SLC16A5: variants seen among roughly 807,000 people sequenced by gnomAD.
SLC16A5 encodes solute carrier family 16 member 5.
Under a neutral mutation model 33.2 loss-of-function variants are expected in SLC16A5, and 29 were observed. The observed-to-expected ratio is 0.87, with a 90% confidence interval of 0.65 to 1.19. SLC16A5 has a LOEUF of 1.19. SLC16A5 is among the 50% of genes most tolerant of loss of function. SLC16A5 has a pLI of 0.00. For missense variants in SLC16A5, 606 were observed against 678.2 expected, an observed-to-expected ratio of 0.89 and a Z score of 1.18; for synonymous variants, 248 against 284.1, an observed-to-expected ratio of 0.87 and a Z score of 1.28.
chr17:75,100,893 G>A, intron 5 of SLC16A5, 77 bp downstream of exon 5: 3 of 1,339,502 alleles, frequency 2.2e-6, no homozygotes, highest in Admixed American at 4.9e-5. Flanking sequence ...GCCCAGTCCA[G>A]CATCTCCAGA....
intron 2 of SLC16A5, among the ~76,000 whole-genome samples, chr17:75,091,795 C>T (rs937613529): frequency 5.9e-5 from 9 of 152,186 alleles, no homozygotes; most frequent in Admixed American, 5.2e-4. Flanking sequence ...GCTGCTCCCT[C>T]GCAGTGCCTG....
At chr17:75,109,924 C>G (rs553233536), downstream of SLC16A5, 2 of 230,434 alleles carry the variant, frequency 8.7e-6, no homozygotes, top group South Asian at 6.8e-5. The surrounding 1 kb of genome is among the most constrained non-coding windows in gnomAD (Gnocchi z 5.0). Flanking sequence ...GGCGACGGCC[C>G]CGCCCCTTCG....
At chr17:75,108,965 G>GT (rs1469232050), downstream of SLC16A5, among the ~76,000 whole-genome samples, 2 of 152,096 alleles carry the variant, frequency 1.3e-5, no homozygotes, top group Admixed American at 6.6e-5. Context: ...TTTTTGTTCT[G>GT]TTTTTTAACA....
Position 75,093,719 on chromosome 17 carries a change from T to C in SLC16A5, c.83T>C (p.Leu28Pro). Residue 28 changes from leucine (L) to proline (P), a missense_variant, in exon 3 of 7, where the codon CTG (leucine) becomes CCG (proline). Physicochemically the swap from Leu to Pro is moderately conservative, Grantham distance 98. Transcript: ENST00000329783. The stretch of plus-strand genomic sequence containing the variant: ...ACCATGGTGACCCAGGGCCTCACCC[T>C]GGGCTTCCCCACGTGTATCGGCATC... ...LATMVTQGLT[L>P]GFPTCIGIFF... is the part of the protein sequence containing the mutation. The C allele has an allele frequency of 6.2e-7, 1 of 1,614,154 alleles. No individual in the cohort carries two copies. Among genetic ancestry groups the C allele is most frequent in the Non-Finnish European group, 8.5e-7 (1 of 1,180,018 alleles).
intron 3 of SLC16A5, among the ~76,000 whole-genome samples, chr17:75,096,633 C>T (rs1346209784): frequency 6.6e-6 from 1 of 151,118 alleles, no homozygotes; most frequent in Non-Finnish European, 1.5e-5. Context: ...CGGGTTCAAG[C>T]GATTCTCCTG....
chr17:75,100,556 C>CG lies in SLC16A5; in HGVS notation c.895dup (p.Ala299GlyfsTer4). 1 of 1,614,200 alleles carries CG rather than the reference C, an allele frequency of 6.2e-7. No individual in the cohort carries two copies. The highest frequency in any genetic ancestry group is 8.5e-7 in the Non-Finnish European group (1 of 1,180,036). ...CTAGCCGGGCTGATGGCAGGACGGCCGGCCTTTGCTAGCCACCGCAAGTAC... is the reference window on the plus strand; with the variant it reads ...CTAGCCGGGCTGATGGCAGGACGGCCGGGCCTTTGCTAGCCACCGCAAGTAC... On this transcript the variant is annotated frameshift_variant, in exon 5 of 7. Coordinates refer to ENST00000329783, the MANE Select transcript of SLC16A5 (RefSeq NM_004695.4). LOFTEE classifies it high-confidence loss of function.
chr17:75,093,898 C>A, intron 3 of SLC16A5, 63 bp downstream of exon 3: 1 of 1,558,978 alleles, frequency 6.4e-7, no homozygotes, highest in South Asian at 1.2e-5. Context: ...CCACAACCTC[C>A]CTGGCCTTCT....
chr17:75,097,011 A>T (rs959983204), intron 3 of SLC16A5, among the ~76,000 whole-genome samples: 1 of 150,678 alleles, frequency 6.6e-6, no homozygotes, highest in Non-Finnish European at 1.5e-5. Context: ...TTTTTAGTAG[A>T]GATGGGGTTT....
At chr17:75,103,878 A>G in intron 5 of SLC16A5, 92 bp from the exon 6 acceptor site, 2 of 1,102,108 alleles carry the variant, frequency 1.8e-6, no homozygotes, top group South Asian at 1.4e-5. Flanking sequence ...AGTACAGCAG[A>G]GACAAAAATA....
chr17:75,098,307 T>C, intron 4 of SLC16A5, 126 bp downstream of exon 4: 1 of 1,275,720 alleles, frequency 7.8e-7, no homozygotes, highest in Non-Finnish European at 1.1e-6. Context: ...TCACACCTGT[T>C]ATCCCAGCAC....
At position 75,106,006 on chromosome 17, in the gene SLC16A5, G is replaced by C. The variant is rs762329953; in HGVS notation, c.1491G>C (p.Thr497=). 6 of 1,593,708 alleles carry C rather than the reference G, an allele frequency of 3.8e-6. No individual in the cohort carries two copies. The East Asian group carries it at 1.1e-4, about 30-fold the overall frequency. ...WPKAVLQAKQ[T]ALGWNSPT The stretch of plus-strand genomic sequence containing the variant: ...AGGCGGTACTGCAGGCCAAGCAAAC[G>C]GCTCTGGGCTGGAATAGCCCTACCT... The change falls in exon 7 of 7, where the codon ACG becomes ACC. Residue 497 remains threonine, a synonymous_variant. Coordinates refer to ENST00000329783, the MANE Select transcript of SLC16A5 (RefSeq NM_004695.4).
downstream of SLC16A5, among the ~76,000 whole-genome samples, chr17:75,106,731 C>G (rs2073867564): frequency 6.6e-6 from 1 of 150,968 alleles, no homozygotes; most frequent in African/African-American, 2.4e-5. Flanking sequence ...CCCAGCTCTA[C>G]TAAAAATACA....
intron 6 of SLC16A5, chr17:75,105,185 G>A: frequency 1.0e-6 from 1 of 985,468 alleles, no homozygotes; most frequent in Non-Finnish European, 1.2e-6. Context: ...CAGAGAACGG[G>A]AGGGGGGCCC....
chr17:75,103,956 T>A lies in SLC16A5; in HGVS notation c.1154-14T>A. 1.2e-6 allele frequency: 2 copies of A among 1,612,558 alleles called. No homozygotes were observed. Among genetic ancestry groups the A allele is most frequent in the Non-Finnish European group, 1.7e-6 (2 of 1,178,724 alleles). On this transcript the variant is annotated splice_polypyrimidine_tract_variant and intron_variant, in intron 5 of 6. Coordinates refer to ENST00000329783, the MANE Select transcript of SLC16A5 (RefSeq NM_004695.4). ...GCCTGGTAGCACTGGCCTAACTTGA[T>A]CTCTGTTCCCCAGGGTTGCTCCTGG...
At chr17:75,106,944 C>A (rs890046008), downstream of SLC16A5, among the ~76,000 whole-genome samples, 1 of 151,386 alleles carries the variant, frequency 6.6e-6, no homozygotes, top group Admixed American at 6.6e-5. Flanking sequence ...GCAGGAGGAT[C>A]GCTTGAGACC....
chr17:75,100,361 G>A lies in SLC16A5; in HGVS notation c.698G>A (p.Arg233Gln), dbSNP rs756662198. Residue 233 changes from arginine (R) to glutamine (Q), a missense_variant, in exon 5 of 7, where the codon CGG (arginine) becomes CAG (glutamine). Physicochemically the swap from Arg to Gln is conservative, Grantham distance 43 (BLOSUM62 1). Transcript: ENST00000329783. Reference protein sequence around the residue: ...IQRHLAFDILRHNTGYCVYIL... With the variant: ...IQRHLAFDILQHNTGYCVYIL... ...CGCCACCTGGCCTTCGACATCCTGC[G>A]GCACAACACAGGCTACTGCGTGTAC... 40 of 1,614,074 alleles carry A rather than the reference G, an allele frequency of 2.5e-5. 1 individual carries two copies. The highest frequency in any genetic ancestry group is 1.7e-4 in the Admixed American group (10 of 59,990).
intron 4 of SLC16A5, among the ~76,000 whole-genome samples, chr17:75,099,477 C>T (rs1436109013): frequency 2.0e-5 from 3 of 152,120 alleles, no homozygotes; most frequent in African/African-American, 7.2e-5. Flanking sequence ...AGTGCAGTGG[C>T]ACAATCTCAG....
intron 3 of SLC16A5, among the ~76,000 whole-genome samples, chr17:75,096,146 C>A (rs1172834411): frequency 6.6e-6 from 1 of 151,856 alleles, no homozygotes; most frequent in Non-Finnish European, 1.5e-5. Context: ...ATCATGGATA[C>A]TTTCACTGAT....
intron 2 of SLC16A5, chr17:75,090,416 AG>A: frequency 6.6e-6 from 1 of 150,452 alleles, no homozygotes; most frequent in Non-Finnish European, 1.5e-5. Context: ...AGGCGGGGGA[AG>A]GGGGTCCTCA....
Sources: gnomAD v4.1 joint callset for allele counts (sites outside exome capture counted in the v4.1 genomes callset) on GRCh38, gnomAD v4.1.1 for gene constraint, Gnocchi (gnomAD v3.1) non-coding constraint, MANE v1.5 for transcripts, NCBI Gene and HGNC (gene_info 2026-07-23, HGNC 2026-07-21) for gene names.